Variants in LOC400499 observed in about 807,000 individuals in gnomAD.
chr16:11,495,065 C>T, the LOC400499 span, among the ~76,000 whole-genome samples: 5 of 152,018 alleles, frequency 3.3e-5, no homozygotes, highest in African/African-American at 7.2e-5. Context: ...AAAAATTAGC[C>T]GAGCATGGTG....
At chr16:11,505,148 A>T in the LOC400499 span, among the ~76,000 whole-genome samples, 6 of 117,206 alleles carry the variant, frequency 5.1e-5, no homozygotes, top group African/African-American at 2.2e-4. Flanking sequence ...GCAATGGCTT[A>T]AAAAAAAAAA....
chr16:11,490,081 C>T, the LOC400499 span, among the ~76,000 whole-genome samples: 1 of 152,118 alleles, frequency 6.6e-6, no homozygotes, highest in Admixed American at 6.6e-5. Context: ...AGACAAGCTC[C>T]TAGACATGCT....
chr16:11,494,661 G>A, the LOC400499 span: 1 of 399,490 alleles, frequency 2.5e-6, no homozygotes, highest in Non-Finnish European at 4.4e-6. Context: ...ACTCCAGGCA[G>A]CTGGCCGCAG....
At chr16:11,389,057 A>G in the LOC400499 span, among the ~76,000 whole-genome samples, 1 of 152,188 alleles carries the variant, frequency 6.6e-6, no homozygotes, top group Non-Finnish European at 1.5e-5. Context: ...ATTGTACTCC[A>G]GCCTGGGCAA....
the LOC400499 span, among the ~76,000 whole-genome samples, chr16:11,506,037 T>C: frequency 6.6e-5 from 10 of 152,100 alleles, no homozygotes; most frequent in African/African-American, 2.4e-4. Flanking sequence ...ATTTATTTTA[T>C]TTTATTTATT....
the LOC400499 span, among the ~76,000 whole-genome samples, chr16:11,518,577 G>T: frequency 6.6e-6 from 1 of 152,032 alleles, no homozygotes; most frequent in Non-Finnish European, 1.5e-5. Context: ...ACATGCTGGG[G>T]GTCACAGGCA....
the LOC400499 span, among the ~76,000 whole-genome samples, chr16:11,427,691 C>G: frequency 6.6e-6 from 1 of 152,090 alleles, no homozygotes; most frequent in Admixed American, 6.5e-5. Flanking sequence ...AGCAATCTGC[C>G]CTCCTCCACC....
At chr16:11,501,062 C>A in the LOC400499 span, 1 of 396,770 alleles carries the variant, frequency 2.5e-6, no homozygotes, top group Non-Finnish European at 4.4e-6. Flanking sequence ...CAGAGAGGTA[C>A]GGTGCAGACA....
chr16:11,421,720 T>C, the LOC400499 span, among the ~76,000 whole-genome samples: 2,510 of 152,118 alleles, frequency 0.017, 72 homozygotes, highest in African/African-American at 0.057. Flanking sequence ...ATTTCCAGAA[T>C]AGACAAACGC....
At chr16:11,376,440 T>C in the LOC400499 span, among the ~76,000 whole-genome samples, 1 of 152,226 alleles carries the variant, frequency 6.6e-6, no homozygotes, top group Non-Finnish European at 1.5e-5. Context: ...ACACCATTTG[T>C]TGAAAGACTG....
chr16:11,517,928 T>C, the LOC400499 span, among the ~76,000 whole-genome samples: 1 of 152,284 alleles, frequency 6.6e-6, no homozygotes, highest in African/African-American at 2.4e-5. Context: ...GGAACAGATA[T>C]GTTACCACTT....
the LOC400499 span, among the ~76,000 whole-genome samples, chr16:11,426,171 C>G: frequency 1.3e-5 from 2 of 152,234 alleles, no homozygotes; most frequent in Non-Finnish European, 1.5e-5. Context: ...CGCGGTGGCT[C>G]ACGCCTGTAA....
chr16:11,474,261 G>T, the LOC400499 span, among the ~76,000 whole-genome samples: 3 of 152,062 alleles, frequency 2.0e-5, no homozygotes, highest in Admixed American at 6.6e-5. Context: ...AAATGAAGGG[G>T]GTGTGCTGCG....
the LOC400499 span, among the ~76,000 whole-genome samples, chr16:11,481,789 T>C: frequency 6.6e-6 from 1 of 152,066 alleles, no homozygotes; most frequent in Non-Finnish European, 1.5e-5. Flanking sequence ...CACACCACCA[T>C]GCCCAGCAAA....
At chr16:11,478,088 G>A in the LOC400499 span, 1 of 395,322 alleles carries the variant, frequency 2.5e-6, no homozygotes, top group Non-Finnish European at 4.5e-6. Flanking sequence ...CGAGACGGGT[G>A]GATCATTTGA....
the LOC400499 span, among the ~76,000 whole-genome samples, chr16:11,403,060 G>A: frequency 6.6e-6 from 1 of 152,048 alleles, no homozygotes; most frequent in Non-Finnish European, 1.5e-5. Flanking sequence ...TCCCCCAGGT[G>A]AGTCAAGCTG....
the LOC400499 span, among the ~76,000 whole-genome samples, chr16:11,465,984 G>A: frequency 6.6e-6 from 1 of 152,212 alleles, no homozygotes; most frequent in Non-Finnish European, 1.5e-5. Context: ...AATTTACTCT[G>A]CAGAGAGAAT....
chr16:11,407,327 G>T, the LOC400499 span: 1 of 395,122 alleles, frequency 2.5e-6, no homozygotes, highest in Admixed American at 4.5e-5. Flanking sequence ...CTCACCCTTG[G>T]AGTAGTGTAG....
chr16:11,440,096 GC>G, the LOC400499 span, among the ~76,000 whole-genome samples: 7 of 152,054 alleles, frequency 4.6e-5, no homozygotes, highest in Non-Finnish European at 1.0e-4. Flanking sequence ...TAGATTGAAA[GC>G]TCCTCAGAGA....
Sources: gnomAD v4.1 joint callset for allele counts (sites outside exome capture counted in the v4.1 genomes callset) on GRCh38, gnomAD v4.1.1 for gene constraint, MANE v1.5 for transcripts.